The following DYRK4 variants were observed in gnomAD, a reference collection of about 807,000 sequenced individuals.
DYRK4 encodes dual specificity tyrosine-phosphorylation-regulated kinase 4.
In DYRK4, 64 loss-of-function variants were observed where a neutral mutation model predicts 68.3. The observed-to-expected ratio is 0.94, with a 90% confidence interval of 0.77 to 1.15. DYRK4 has a LOEUF of 1.15. Among genes scored for constraint, DYRK4 ranks in the 50% most tolerant of loss-of-function variants. The pLI, the probability that DYRK4 is intolerant of heterozygous loss-of-function variation, is 0.00. For missense variants in DYRK4, 740 were observed against 764.7 expected, an observed-to-expected ratio of 0.97 and a Z score of 0.38; for synonymous variants, 274 against 289.9, an observed-to-expected ratio of 0.95 and a Z score of 0.56.
chr12:4,565,456 A>G (rs1425534196), intron 1 of DYRK4, among the ~76,000 whole-genome samples: 1 of 152,188 alleles, frequency 6.6e-6, no homozygotes, highest in Non-Finnish European at 1.5e-5. Flanking sequence ...GAAATAGCAC[A>G]GAGAGGACAA....
Position 4,595,743 on chromosome 12 carries a change from A to T in DYRK4, c.628-406A>T, listed in dbSNP as rs182320877. ...ACCAGAGATGCTGCTTAACTTCAAG[A>T]CTCATAAAATGTCCAAACTGAAAGG... On this transcript the variant is annotated intron_variant, in intron 6 of 14. Transcript: ENST00000543431. Among the ~76,000 whole-genome samples the T allele has an allele frequency of 4.6e-5, 7 of 152,248 alleles. No individual in the cohort carries two copies. In the East Asian group the frequency reaches 1.4e-3, roughly 29 times the overall value.
intron 1 of DYRK4, among the ~76,000 whole-genome samples, chr12:4,566,950 G>A (rs1034865559): frequency 2.6e-5 from 4 of 152,070 alleles, no homozygotes; most frequent in Admixed American, 6.5e-5. Context: ...AATAAATATA[G>A]AATTATATTA....
Position 4,593,129 on chromosome 12 carries a change from G to A in DYRK4, c.591G>A (p.Lys197=). 6.2e-7 allele frequency: 1 copy of A among 1,614,136 alleles called. No homozygotes were observed. Among genetic ancestry groups the A allele is most frequent in the Non-Finnish European group, 8.5e-7 (1 of 1,180,032 alleles). The change falls in exon 6 of 15, where the codon AAG becomes AAA. Residue 197 remains lysine (K), a synonymous_variant. Transcript: ENST00000543431. ...KLDTAPEKFS[K]TSFDDEHGFY... is the part of the protein sequence containing the mutation. ...ACACGGCTCCTGAGAAATTTAGCAA[G>A]ACGAGTTTTGATGATGAGCATGGCT...
chr12:4,574,224 TA>T (rs58588899), intron 2 of DYRK4, among the ~76,000 whole-genome samples: 52,247 of 120,984 alleles, frequency 0.43, 11,845 homozygotes, highest in Middle Eastern at 0.58. Flanking sequence ...GACTCCATCT[TA>T]AAAAAAAAAA....
intron 2 of DYRK4, among the ~76,000 whole-genome samples, chr12:4,571,166 G>C (rs1944726663): frequency 6.6e-6 from 1 of 152,202 alleles, no homozygotes; most frequent in African/African-American, 2.4e-5. Context: ...ACCTGGGAGA[G>C]AGTCCTAGGG....
chr12:4,591,108 C>A lies in DYRK4; in HGVS notation c.325-52C>A. 2 of 1,594,884 alleles carry A rather than the reference C, an allele frequency of 1.3e-6. No homozygotes were observed. The highest frequency in any genetic ancestry group is 1.7e-6 in the Non-Finnish European group (2 of 1,170,186). On this transcript the variant is annotated intron_variant, in intron 4 of 14. Transcript: ENST00000543431. This position sits in a 1 kb window ranked among gnomAD's most constrained non-coding sequence, Gnocchi z 4.1. ...TTTGGTTAAATAAATGGTTTATGGC[C>A]CCCAGGAGAGTCCTAAGTAGTTATT...
intron 9 of DYRK4, among the ~76,000 whole-genome samples, 179 bp downstream of exon 9, chr12:4,599,345 C>T (rs1317715175): frequency 7.2e-6 from 1 of 138,116 alleles, no homozygotes; most frequent in African/African-American, 2.7e-5. Flanking sequence ...GTGGGAATGT[C>T]GAACAAATTC....
chr12:4,597,066 A>G (rs1945026521), intron 8 of DYRK4: 2 of 1,135,552 alleles, frequency 1.8e-6, no homozygotes, highest in South Asian at 4.2e-5. Flanking sequence ...TTCCCCACTC[A>G]TTGGCTTTCT....
chr12:4,605,063 G>A lies in DYRK4; in HGVS notation c.1276G>A (p.Glu426Lys), dbSNP rs779355419. 114 of 1,613,656 alleles carry A rather than the reference G, an allele frequency of 7.1e-5. No individual in the cohort carries two copies. Among genetic ancestry groups the A allele is most frequent in the Non-Finnish European group, 9.2e-5 (108 of 1,179,824 alleles). The change falls in exon 11 of 15, where the codon GAG becomes AAG. Residue 426 changes from glutamate to lysine, a missense_variant. Glu to Lys is a moderately conservative substitution (Grantham distance 56). Around this residue, in one of 3 missense-constraint regions of DYRK4, gnomAD observed 614 missense variants for 603.7 expected, o/e 1.02. Transcript: ENST00000543431. ...YPLFPGENEV[E>K]QLACIMEVLG... ...CCTGTTCCCCGGGGAGAATGAGGTG[G>A]AGCAGCTGGCCTGCATCATGGAGGT...
intron 9 of DYRK4, 104 bp downstream of exon 9, chr12:4,599,270 C>CTTTTGTTTTTTTTTTTTTTT (rs375183364): frequency 2.6e-6 from 1 of 387,720 alleles, no homozygotes. Context: ...TTGCCTTTGA[C>CTTTTGTTTTTTTTTTTTTTT]TTTTTTTTTT....
rs58963826 is a variant in DYRK4, at chr12:4,605,729, G to GTTTTTTT, written c.1299+663_1299+669dup. Among the ~76,000 whole-genome samples the GTTTTTTT allele has an allele frequency of 3.7e-3, 379 of 102,030 alleles. 30 individuals are homozygous for GTTTTTTT. Among genetic ancestry groups the GTTTTTTT allele is most frequent in the African/African-American group, 0.013 (350 of 27,286 alleles). The allele number at this position is 102,030 out of a possible 152,430, so 66.9% of individuals were successfully genotyped here. Reference sequence around the variant, plus strand: ...CTCTTAGAAAAATGAATAGAGCTGGGTTTTTTTTTTTTTTTTTTTTTTTTT... The same window carrying GTTTTTTT: ...CTCTTAGAAAAATGAATAGAGCTGGGTTTTTTTTTTTTTTTTTTTTTTTTTTTTTTTT... On this transcript the variant is annotated intron_variant, in intron 11 of 14. Transcript: ENST00000543431.
At chr12:4,608,677 C>A (rs1291588334) in intron 12 of DYRK4, among the ~76,000 whole-genome samples, 1 of 152,144 alleles carries the variant, frequency 6.6e-6, no homozygotes, top group Non-Finnish European at 1.5e-5. Context: ...AGCAGAAGTT[C>A]TCTATGATCC....
chr12:4,591,093 T>TA lies in DYRK4; in HGVS notation c.325-64dup. On this transcript the variant is annotated intron_variant, in intron 4 of 14. Transcript: ENST00000543431. The surrounding 1 kb of genome is among the most constrained non-coding windows in gnomAD (Gnocchi z 4.1). ...CTGAAGGTGGGTGTCTTTGGTTAAA[T>TA]AAATGGTTTATGGCCCCCAGGAGAG... 6.4e-7 allele frequency: 1 copy of TA among 1,552,440 alleles called. No individual in the cohort carries two copies. Among genetic ancestry groups the TA allele is most frequent in the Middle Eastern group, 1.7e-4 (1 of 5,756 alleles).
chr12:4,609,191 T>C (rs530163111), intron 12 of DYRK4, among the ~76,000 whole-genome samples: 9 of 152,330 alleles, frequency 5.9e-5, no homozygotes, highest in Admixed American at 3.3e-4. Flanking sequence ...TTGGCAGCAA[T>C]ATCCATGTCT....
intron 11 of DYRK4, among the ~76,000 whole-genome samples, chr12:4,606,855 T>A (rs902931174): frequency 2.0e-5 from 3 of 152,206 alleles, no homozygotes; most frequent in Non-Finnish European, 4.4e-5. Context: ...CCCTCTAAGT[T>A]GCAGTAGGAA....
At chr12:4,575,081 G>C (rs1944773483) in intron 2 of DYRK4, among the ~76,000 whole-genome samples, 1 of 152,160 alleles carries the variant, frequency 6.6e-6, no homozygotes, top group Admixed American at 6.6e-5. Context: ...TAGTGTGTCT[G>C]TATAGGCATT....
chr12:4,612,370 A>G (rs891750775), intron 13 of DYRK4, 173 bp from the exon 14 acceptor site: 1 of 609,196 alleles, frequency 1.6e-6, no homozygotes, highest in Non-Finnish European at 2.7e-6. Flanking sequence ...GATTATTTCC[A>G]TTAGTTGTTT....
At chr12:4,590,904 C>T in intron 4 of DYRK4, 1 of 482,762 alleles carries the variant, frequency 2.1e-6, no homozygotes, top group Non-Finnish European at 3.6e-6. Flanking sequence ...CATCTCTTCC[C>T]ATAGTGAGAT....
chr12:4,570,310 A>G (rs978494172), intron 2 of DYRK4, among the ~76,000 whole-genome samples: 5 of 152,214 alleles, frequency 3.3e-5, no homozygotes, highest in Admixed American at 2.0e-4. Context: ...TATAGTAATT[A>G]CTGGCAAATT....
Sources: gnomAD v4.1 joint callset for allele counts (sites outside exome capture counted in the v4.1 genomes callset) on GRCh38, gnomAD v4.1.1 for gene constraint, gnomAD v4.1.1 regional missense constraint, Gnocchi (gnomAD v3.1) non-coding constraint, MANE v1.5 for transcripts, NCBI Gene and HGNC (gene_info 2026-07-23, HGNC 2026-07-21) for gene names.